THNSL1: variants seen among roughly 807,000 people sequenced by gnomAD.
The protein encoded by THNSL1 is threonine synthase-like 1.
In THNSL1, 48 loss-of-function variants were observed where a neutral mutation model predicts 50.4. The ratio of observed to expected loss-of-function variants is 0.95; its 90% CI spans 0.76 to 1.21. THNSL1 has a LOEUF of 1.21. THNSL1 is among the 50% of genes most tolerant of loss of function. The pLI, the probability that THNSL1 is intolerant of heterozygous loss-of-function variation, is 0.00. For synonymous variants in THNSL1, 309 were observed against 306.1 expected (o/e 1.01, Z -0.10); for missense variants, 896 against 871.7 (o/e 1.03, Z -0.35).
At chr10:24,954,626 C>A in the THNSL1 span, among the ~76,000 whole-genome samples, 1 of 152,090 alleles carries the variant, frequency 6.6e-6, no homozygotes, top group Non-Finnish European at 1.5e-5. Flanking sequence ...TGAAAGACAA[C>A]AGGAATCTTA....
chr10:25,019,869 T>C (rs553297093), intron 1 of THNSL1, among the ~76,000 whole-genome samples: 1 of 152,328 alleles, frequency 6.6e-6, no homozygotes, highest in South Asian at 2.1e-4. Flanking sequence ...TCAAATCTTT[T>C]TTTTCCATTT....
chr10:25,021,241 T>C (rs750985361), intron 1 of THNSL1, among the ~76,000 whole-genome samples: 1 of 152,232 alleles, frequency 6.6e-6, no homozygotes, highest in Non-Finnish European at 1.5e-5. Flanking sequence ...ATATGTGCTT[T>C]GATTTTATTA....
At chr10:25,018,247 C>T (rs572444065) in intron 1 of THNSL1, among the ~76,000 whole-genome samples, 5 of 152,260 alleles carry the variant, frequency 3.3e-5, no homozygotes, top group African/African-American at 4.8e-5. Context: ...TGCAATTCTC[C>T]TTGCCTTTTG....
chr10:24,982,721 G>A, the THNSL1 span: 1 of 152,192 alleles, frequency 6.6e-6, no homozygotes. Flanking sequence ...TCCCGTGGTA[G>A]GGATCACCTT....
At chr10:24,989,577 C>T in the THNSL1 span, among the ~76,000 whole-genome samples, 3 of 152,184 alleles carry the variant, frequency 2.0e-5, no homozygotes, top group African/African-American at 7.2e-5. Flanking sequence ...TTGCACAATA[C>T]TCCACTGCAG....
At chr10:24,962,967 T>G in the THNSL1 span, among the ~76,000 whole-genome samples, 2 of 152,196 alleles carry the variant, frequency 1.3e-5, no homozygotes, top group Non-Finnish European at 2.9e-5. Flanking sequence ...ATTCAAAGAA[T>G]AGGAGACTAG....
the THNSL1 span, chr10:24,999,650 A>G: frequency 9.5e-7 from 1 of 1,056,110 alleles, no homozygotes; most frequent in East Asian, 2.6e-5. Flanking sequence ...TTAAGTCTAT[A>G]TTCGTATGGA....
chr10:25,001,514 T>C, the THNSL1 span, among the ~76,000 whole-genome samples: 1 of 152,142 alleles, frequency 6.6e-6, no homozygotes, highest in African/African-American at 2.4e-5. Context: ...CTTTGACTGC[T>C]TGATATTGTT....
At chr10:24,973,591 C>A in the THNSL1 span, among the ~76,000 whole-genome samples, 4 of 151,914 alleles carry the variant, frequency 2.6e-5, no homozygotes, top group Non-Finnish European at 5.9e-5. Context: ...TATCCTTAAT[C>A]TTTTTATGAG....
the THNSL1 span, among the ~76,000 whole-genome samples, chr10:25,008,227 A>C: frequency 2.0e-5 from 3 of 152,162 alleles, no homozygotes. Flanking sequence ...GAATTTTAGC[A>C]TAAAATGTCA....
the THNSL1 span, chr10:24,990,545 T>C: frequency 6.2e-7 from 1 of 1,614,016 alleles, no homozygotes; most frequent in Non-Finnish European, 8.5e-7. Flanking sequence ...ACGATCATAG[T>C]CTTCTTGGGC....
the THNSL1 span, among the ~76,000 whole-genome samples, chr10:24,999,884 G>T: frequency 2.0e-5 from 3 of 152,080 alleles, no homozygotes; most frequent in African/African-American, 7.2e-5. Flanking sequence ...CTGGCTAGGG[G>T]TCTATTAATT....
chr10:25,017,760 T>A (rs1036894262), intron 1 of THNSL1, among the ~76,000 whole-genome samples: 1 of 152,126 alleles, frequency 6.6e-6, no homozygotes, highest in Non-Finnish European at 1.5e-5. Flanking sequence ...TAGATCTAGA[T>A]CCAAATCTAT....
the THNSL1 span, among the ~76,000 whole-genome samples, chr10:24,960,240 A>G: frequency 6.6e-6 from 1 of 152,084 alleles, no homozygotes; most frequent in Non-Finnish European, 1.5e-5. Flanking sequence ...ATCCCAGCGA[A>G]CCAAGAAGCA....
At chr10:24,991,766 T>C in the THNSL1 span, among the ~76,000 whole-genome samples, 2 of 152,234 alleles carry the variant, frequency 1.3e-5, no homozygotes, top group East Asian at 3.9e-4. Flanking sequence ...GAAAGTCCTT[T>C]GGAAGCCCTC....
the THNSL1 span, among the ~76,000 whole-genome samples, chr10:24,967,952 A>G: frequency 2.3e-3 from 335 of 146,516 alleles, 3 homozygotes; most frequent in Middle Eastern, 0.011. Flanking sequence ...GTGTATGTGT[A>G]TGATGTGTGT....
chr10:24,971,717 T>C, the THNSL1 span, among the ~76,000 whole-genome samples: 1 of 152,194 alleles, frequency 6.6e-6, no homozygotes, highest in Non-Finnish European at 1.5e-5. Flanking sequence ...CCATTTATCT[T>C]ACAATGTGCT....
chr10:24,987,785 T>C, the THNSL1 span, among the ~76,000 whole-genome samples: 3 of 152,166 alleles, frequency 2.0e-5, no homozygotes, highest in African/African-American at 7.2e-5. Context: ...TTGATAGTTT[T>C]GTGACCAAAG....
chr10:25,007,625 G>A, the THNSL1 span, among the ~76,000 whole-genome samples: 10 of 152,086 alleles, frequency 6.6e-5, 1 homozygote, highest in East Asian at 1.2e-3. Context: ...TAGTAGAGAC[G>A]GGGTTTCACC....
Sources: gnomAD v4.1 joint callset for allele counts (sites outside exome capture counted in the v4.1 genomes callset) on GRCh38, gnomAD v4.1.1 for gene constraint, MANE v1.5 for transcripts, NCBI Gene and HGNC (gene_info 2026-07-23, HGNC 2026-07-21) for gene names.